ADGRV1: variants seen among roughly 807,000 people sequenced by gnomAD.
ADGRV1 encodes G-protein coupled receptor 98.
In ADGRV1, 359 loss-of-function variants were observed where a neutral mutation model predicts 596.2. That is an observed-to-expected ratio of 0.60 (90% CI 0.55 to 0.66). The LOEUF (loss-of-function observed/expected upper bound fraction) is 0.66, where lower values mean the gene tolerates loss of function less well. ADGRV1 is among the 30% of genes least tolerant of loss of function. The pLI is 0.00. For synonymous variants in ADGRV1, 2,681 were observed against 2,679.2 expected (o/e 1.00, Z -0.02); for missense variants, 7,274 against 7,575.6 (o/e 0.96, Z 1.48).
chr5:90,848,713 T>G lies in ADGRV1; in HGVS notation c.17096T>G (p.Ile5699Ser). 1 of 1,588,806 alleles carries G rather than the reference T, an allele frequency of 6.3e-7. No homozygotes were observed. The highest frequency in any genetic ancestry group is 8.5e-7 in the Non-Finnish European group (1 of 1,170,178). The change falls in exon 79 of 90, where the codon ATT (isoleucine) becomes AGT (serine). Residue 5699 changes from isoleucine to serine, a missense_variant. By Grantham distance (142) the Ile-to-Ser change is moderately radical. This residue lies in a region of ADGRV1 where 1,874 missense variants were observed against 1,970.2 expected (regional missense o/e 0.95). Transcript: ENST00000405460. ...TLFYEILCSL[I>S]NPKRKDTRGF... is the part of the protein sequence containing the mutation. ...TTCTATGAGATTCTTTGTTCTCTTA[T>G]TAACCCAAAGCGCAAGGACACTAGG...
intron 1 of ADGRV1, chr5:90,614,262 C>A: frequency 2.7e-6 from 1 of 363,884 alleles, no homozygotes; most frequent in Non-Finnish European, 5.2e-6. Context: ...AGTATTTTAG[C>A]TAGTAAAATG....
chr5:90,879,074 G>T (rs997139285), intron 83 of ADGRV1, among the ~76,000 whole-genome samples: 1 of 152,160 alleles, frequency 6.6e-6, no homozygotes, highest in Non-Finnish European at 1.5e-5. Flanking sequence ...TTGAAGCAAG[G>T]CTTTTGTTCC....
chr5:90,753,962 T>G, intron 54 of ADGRV1, 133 bp downstream of exon 54: 5 of 832,632 alleles, frequency 6.0e-6, no homozygotes, highest in Non-Finnish European at 8.8e-6. Flanking sequence ...CTCAATCCTT[T>G]TTGTTTATTG....
intron 83 of ADGRV1, among the ~76,000 whole-genome samples, chr5:90,947,214 G>A (rs1776651081): frequency 6.6e-6 from 1 of 152,024 alleles, no homozygotes; most frequent in Non-Finnish European, 1.5e-5. Flanking sequence ...TTGTGATTTT[G>A]ATTTGCATTT....
At chr5:90,724,184 T>C (rs1000052420) in intron 45 of ADGRV1, among the ~76,000 whole-genome samples, 2 of 152,178 alleles carry the variant, frequency 1.3e-5, no homozygotes, top group Non-Finnish European at 2.9e-5. Context: ...CAGAAGTTGA[T>C]AAAAATCATG....
chr5:90,764,550 G>A (rs1267646536), intron 59 of ADGRV1, among the ~76,000 whole-genome samples: 1 of 152,164 alleles, frequency 6.6e-6, no homozygotes, highest in African/African-American at 2.4e-5. Flanking sequence ...CTAGGCATTG[G>A]TGCTGCCCCC....
intron 82 of ADGRV1, among the ~76,000 whole-genome samples, chr5:90,857,969 G>A (rs187643980): frequency 1.6e-3 from 249 of 151,976 alleles, no homozygotes; most frequent in African/African-American, 5.9e-3. Context: ...ACAATGTATC[G>A]GTACCAATTC....
chr5:90,783,619 A>G lies in ADGRV1; in HGVS notation c.13434-219A>G, dbSNP rs528897171. ...ATTCACTTTCTTTATGCATTAAGCA[A>G]TTAAAAAGAGGGCAAGAAAGTCCCT... On this transcript the variant is annotated intron_variant, in intron 66 of 89. Coordinates refer to ENST00000405460, the MANE Select transcript of ADGRV1 (RefSeq NM_032119.4). Among the ~76,000 whole-genome samples the G allele has an allele frequency of 2.6e-5, 4 of 152,334 alleles. No individual in the cohort carries two copies. In the East Asian group the frequency reaches 5.8e-4, roughly 22 times the overall value.
At chr5:90,699,411 T>G (rs1405841050) in intron 34 of ADGRV1, among the ~76,000 whole-genome samples, 2 of 152,080 alleles carry the variant, frequency 1.3e-5, no homozygotes, top group Non-Finnish European at 2.9e-5. Context: ...GGATTTGTTT[T>G]GTTGAAGAAA....
intron 53 of ADGRV1, 51 bp from the exon 54 acceptor site, chr5:90,753,523 A>G (rs1050191791): frequency 1.5e-6 from 2 of 1,345,076 alleles, no homozygotes; most frequent in African/African-American, 1.5e-5. Flanking sequence ...TATTCTTACT[A>G]CATAGTGACA....
intron 85 of ADGRV1, among the ~76,000 whole-genome samples, chr5:91,022,582 G>A (rs1032878571): frequency 6.6e-6 from 1 of 152,090 alleles, no homozygotes; most frequent in African/African-American, 2.4e-5. Context: ...TACATTTGTA[G>A]TCTTATTTAT....
chr5:90,810,082 T>G, intron 73 of ADGRV1, 151 bp from the exon 74 acceptor site: 1 of 651,544 alleles, frequency 1.5e-6, no homozygotes, highest in Non-Finnish European at 2.5e-6. Flanking sequence ...TACATATCAA[T>G]AAATAGGGTT....
chr5:91,101,026 C>G (rs901853613), intron 86 of ADGRV1, among the ~76,000 whole-genome samples: 1 of 117,192 alleles, frequency 8.5e-6, no homozygotes, highest in Non-Finnish European at 1.8e-5. Flanking sequence ...ATCTCTGGAT[C>G]TCTCTGCTAA....
intron 13 of ADGRV1, 122 bp from the exon 14 acceptor site, chr5:90,643,681 C>T (rs1168503809): frequency 1.1e-5 from 7 of 654,214 alleles, no homozygotes; most frequent in Admixed American, 6.8e-5. Context: ...CTCTTTTGTC[C>T]TTTCAGTGAG....
chr5:90,783,390 A>G (rs1759072806), intron 66 of ADGRV1, 65 bp downstream of exon 66: 1 of 1,097,860 alleles, frequency 9.1e-7, no homozygotes, highest in Non-Finnish European at 1.3e-6. Flanking sequence ...ACTCTTACAT[A>G]TGTTTTGCAC....
chr5:91,074,418 C>T (rs1788667793), intron 86 of ADGRV1, among the ~76,000 whole-genome samples: 1 of 152,194 alleles, frequency 6.6e-6, no homozygotes, highest in Non-Finnish European at 1.5e-5. Context: ...TTAGTGAGAA[C>T]ATGTGGTATT....
intron 89 of ADGRV1, among the ~76,000 whole-genome samples, chr5:91,158,751 T>A (rs1301128842): frequency 6.6e-6 from 1 of 152,124 alleles, no homozygotes; most frequent in Non-Finnish European, 1.5e-5. Flanking sequence ...GGCCAGAGTT[T>A]ATGTTCTGAA....
At chr5:90,638,241 T>C (rs1447388188) in intron 11 of ADGRV1, among the ~76,000 whole-genome samples, 1 of 151,276 alleles carries the variant, frequency 6.6e-6, no homozygotes, top group Non-Finnish European at 1.5e-5. Context: ...TATGTTGTTA[T>C]ATTAAAAAAA....
At chr5:90,697,232 TC>T (rs1747312051) in intron 34 of ADGRV1, 86 bp downstream of exon 34, 5 of 1,185,590 alleles carry the variant, frequency 4.2e-6, no homozygotes, top group Middle Eastern at 4.0e-4. Flanking sequence ...TGATAGTTTT[TC>T]CCTTTCATTA....
Sources: gnomAD v4.1 joint callset for allele counts (sites outside exome capture counted in the v4.1 genomes callset) on GRCh38, gnomAD v4.1.1 for gene constraint, gnomAD v4.1.1 regional missense constraint, MANE v1.5 for transcripts, NCBI Gene and HGNC (gene_info 2026-07-23, HGNC 2026-07-21) for gene names.